PTPRG: variants seen among roughly 807,000 people sequenced by gnomAD.
The protein encoded by PTPRG is receptor-type tyrosine-protein phosphatase gamma.
A neutral mutation model predicts 165.3 loss-of-function variants in PTPRG; 102 were observed. The observed-to-expected ratio is 0.62, with a 90% CI of 0.53 to 0.73. PTPRG has a LOEUF of 0.73. PTPRG is among the 30% of genes least tolerant of loss of function. The pLI is 0.00. For synonymous variants in PTPRG, 675 were observed against 669.5 expected (o/e 1.01, Z -0.13); for missense variants, 1,866 against 1,861.4 (o/e 1.00, Z -0.05).
chr3:61,840,719 A>G (rs1041369820), intron 2 of PTPRG, among the ~76,000 whole-genome samples: 2 of 151,710 alleles, frequency 1.3e-5, no homozygotes, highest in Non-Finnish European at 2.9e-5. Context: ...GAGACAAACA[A>G]TGCACAAGTA....
At chr3:61,869,067 C>T (rs1180911530) in intron 2 of PTPRG, among the ~76,000 whole-genome samples, 3 of 152,106 alleles carry the variant, frequency 2.0e-5, no homozygotes, top group African/African-American at 7.2e-5. Flanking sequence ...TCCCCATGGT[C>T]TAATCTCCTG....
At chr3:61,785,416 G>A (rs2034664831) in intron 2 of PTPRG, among the ~76,000 whole-genome samples, 1 of 152,136 alleles carries the variant, frequency 6.6e-6, no homozygotes, top group Non-Finnish European at 1.5e-5. Context: ...AATTAAGAAT[G>A]AATTGACTTT....
chr3:61,684,393 T>G (rs937272546), intron 1 of PTPRG, among the ~76,000 whole-genome samples: 1 of 152,254 alleles, frequency 6.6e-6, no homozygotes, highest in Admixed American at 6.5e-5. Flanking sequence ...GATTTTTCTT[T>G]TGGCATCTTT....
chr3:62,090,406 A>G (rs866437274), intron 5 of PTPRG, among the ~76,000 whole-genome samples: 1 of 152,306 alleles, frequency 6.6e-6, no homozygotes, highest in Non-Finnish European at 1.5e-5. Flanking sequence ...CAGCTAGCTA[A>G]CACAAAGCCA....
Position 61,788,876 on chromosome 3 carries a change from C to G in PTPRG, c.190+39894C>G, listed in dbSNP as rs545910880. ...TGGATTTGGTCCTAGTTTGCTGAACCCTTTTCTAGATGAAGGCTCCTCTTG... is the reference window on the plus strand; with the variant it reads ...TGGATTTGGTCCTAGTTTGCTGAACGCTTTTCTAGATGAAGGCTCCTCTTG... On this transcript the variant is annotated intron_variant, in intron 2 of 29. Coordinates refer to ENST00000474889, the MANE Select transcript of PTPRG (RefSeq NM_002841.4). Among the ~76,000 whole-genome samples, 49 of 152,232 alleles carry G rather than the reference C, an allele frequency of 3.2e-4. No homozygotes were observed. In the South Asian group the frequency reaches 0.01, roughly 32 times the overall value.
intron 2 of PTPRG, among the ~76,000 whole-genome samples, chr3:61,873,010 G>C (rs2037625647): frequency 6.6e-6 from 1 of 152,188 alleles, no homozygotes; most frequent in African/African-American, 2.4e-5. Flanking sequence ...AATTCGAGCT[G>C]TAAAAAATGT....
chr3:61,924,063 G>A (rs979725534), intron 2 of PTPRG, among the ~76,000 whole-genome samples: 1 of 152,186 alleles, frequency 6.6e-6, no homozygotes. Flanking sequence ...TTTTCCCATC[G>A]TTGGATCTCC....
At chr3:62,143,292 G>T (rs1445638193) in intron 6 of PTPRG, among the ~76,000 whole-genome samples, 4 of 152,164 alleles carry the variant, frequency 2.6e-5, no homozygotes, top group Admixed American at 6.5e-5. Flanking sequence ...GTGGACTTTG[G>T]AAGAAGAGGA....
chr3:61,954,428 C>G (rs2039987766), intron 2 of PTPRG, among the ~76,000 whole-genome samples: 1 of 152,112 alleles, frequency 6.6e-6, no homozygotes, highest in African/African-American at 2.4e-5. Context: ...GGATCTCAGA[C>G]TCTTAGGGCT....
rs147697905 is a variant in PTPRG, at chr3:62,136,274, A to G, written c.682+3606A>G. On this transcript the variant is annotated intron_variant, in intron 6 of 29. Transcript: ENST00000474889. ...GTATGCATATGCTTGGTAGAGATGT[A>G]CAATTAAGTATGTAATGACATTAAA... Among the ~76,000 whole-genome samples the G allele has an allele frequency of 8.8e-3, 1,345 of 152,302 alleles. 10 individuals are homozygous for G. The highest frequency in any genetic ancestry group is 0.013 in the Non-Finnish European group (873 of 68,026).
At chr3:62,009,061 C>G (rs1051794594) in intron 4 of PTPRG, among the ~76,000 whole-genome samples, 1 of 152,202 alleles carries the variant, frequency 6.6e-6, no homozygotes, top group African/African-American at 2.4e-5. Context: ...CAGTACTCTA[C>G]ATAGCTTCAC....
At position 62,078,205 on chromosome 3, in the gene PTPRG, CA is replaced by C; in HGVS notation, c.565del (p.Thr189ProfsTer8). The C allele has an allele frequency of 6.2e-7, 1 of 1,610,282 alleles. No homozygotes were observed. Among genetic ancestry groups the C allele is most frequent in the Non-Finnish European group, 8.5e-7 (1 of 1,178,348 alleles). The stretch of plus-strand genomic sequence containing the variant: ...CAATCCAGATGACTTTGACAGCTTT[CA>C]AACCGCAATTTCTGAGAACAGAATA... Reference protein sequence around the residue: ...FYNPDDFDSFQTAISENRIIG... With the variant: ...FYNPDDFDSFXTAISENRIIG... On this transcript the variant is annotated frameshift_variant, in exon 5 of 30. Coordinates refer to ENST00000474889, the MANE Select transcript of PTPRG (RefSeq NM_002841.4). LOFTEE classifies it high-confidence loss of function.
intron 5 of PTPRG, among the ~76,000 whole-genome samples, chr3:62,086,509 A>G (rs1701758123): frequency 1.3e-5 from 2 of 152,340 alleles, no homozygotes; most frequent in African/African-American, 4.8e-5. Context: ...GCTTTACAAG[A>G]TAATGACGGT....
intron 1 of PTPRG, among the ~76,000 whole-genome samples, chr3:61,719,750 A>T (rs1466075363): frequency 6.6e-6 from 1 of 152,190 alleles, no homozygotes; most frequent in African/African-American, 2.4e-5. Context: ...GCTTACAGTT[A>T]GGTTGAGTCT....
chr3:61,975,426 A>C (rs1402903116), intron 2 of PTPRG, among the ~76,000 whole-genome samples: 3 of 152,326 alleles, frequency 2.0e-5, no homozygotes, highest in African/African-American at 4.8e-5. Flanking sequence ...TTCTCAAAAC[A>C]GTTTCCTTGA....
intron 1 of PTPRG, among the ~76,000 whole-genome samples, chr3:61,689,464 GAGCAAGCAC>G (rs1559558348): frequency 6.6e-6 from 1 of 152,188 alleles, no homozygotes; most frequent in East Asian, 1.9e-4. Flanking sequence ...ACAGAGTCTT[GAGCAAGCAC>G]CTCAAATAAA....
chr3:61,761,615 A>C lies in PTPRG; in HGVS notation c.190+12633A>C, dbSNP rs561075746. Among the ~76,000 whole-genome samples the C allele has an allele frequency of 7.5e-5, 11 of 146,926 alleles. No homozygotes were observed. In the South Asian group the frequency reaches 1.7e-3, roughly 23 times the overall value. ...CAAACAAACAAACAAACAAACCGTC[A>C]TCCTGACTGGCATGGCGTGGTATCT... On this transcript the variant is annotated intron_variant, in intron 2 of 29. Coordinates refer to ENST00000474889, the MANE Select transcript of PTPRG (RefSeq NM_002841.4).
intron 2 of PTPRG, among the ~76,000 whole-genome samples, chr3:61,984,644 T>A (rs2040714593): frequency 6.6e-6 from 1 of 152,250 alleles, no homozygotes; most frequent in African/African-American, 2.4e-5. Flanking sequence ...AATGACCTTT[T>A]GACAAGGACC....
chr3:61,790,581 A>G (rs935434525), intron 2 of PTPRG, among the ~76,000 whole-genome samples: 1 of 152,204 alleles, frequency 6.6e-6, no homozygotes, highest in Non-Finnish European at 1.5e-5. Context: ...GTATAAGTTT[A>G]TAGATGTATA....
Sources: gnomAD v4.1 joint callset for allele counts (sites outside exome capture counted in the v4.1 genomes callset) on GRCh38, gnomAD v4.1.1 for gene constraint, MANE v1.5 for transcripts, NCBI Gene and HGNC (gene_info 2026-07-23, HGNC 2026-07-21) for gene names.